HOMER1: variants seen among roughly 807,000 people sequenced by gnomAD.
HOMER1 encodes homer scaffold protein 1.
Under a neutral mutation model 48.9 loss-of-function variants are expected in HOMER1, and 3 were observed. The ratio of observed to expected loss-of-function variants is 0.06; its 90% CI spans 0.03 to 0.16. HOMER1 has a LOEUF of 0.16. HOMER1 is among the 10% of genes least tolerant of loss of function. HOMER1 has a pLI of 1.00. For missense variants in HOMER1, 247 were observed against 411.4 expected (o/e 0.60, Z 3.46); for synonymous variants, 134 against 146.4 (o/e 0.92, Z 0.61).
At chr5:79,500,927 T>TTTTGTGTG (rs1554063970) in intron 1 of HOMER1, among the ~76,000 whole-genome samples, 1 of 124,324 alleles carries the variant, frequency 8.0e-6, no homozygotes, top group Non-Finnish European at 1.6e-5. Flanking sequence ...ACCCAGCCAT[T>TTTTGTGTG]TGTGTGTGTG....
Position 79,379,252 on chromosome 5 carries a change from C to A in HOMER1, c.877-3055G>T, listed in dbSNP as rs1330740448. 3.8e-4 allele frequency among the ~76,000 whole-genome samples: 20 copies of A among 52,552 alleles called. 1 individual carries two copies. Among genetic ancestry groups the A allele is most frequent in the East Asian group, 3.3e-3 (8 of 2,448 alleles). The allele number at this position is 52,552 out of a possible 152,430, so 34.5% of individuals were successfully genotyped here. A position where few individuals can be genotyped will look rare whatever the true frequency, so the allele number is the denominator to read the frequency against. On this transcript the variant is annotated intron_variant, in intron 8 of 8. Coordinates refer to ENST00000334082, the MANE Select transcript of HOMER1 (RefSeq NM_004272.5). Reference sequence around the variant, plus strand: ...AATATATATTATATATTATATATATCTATTATATATATTATATATTATATA... The same window carrying A: ...AATATATATTATATATTATATATATATATTATATATATTATATATTATATA...
intron 1 of HOMER1, among the ~76,000 whole-genome samples, chr5:79,465,587 T>C (rs923609351): frequency 1.1e-4 from 8 of 76,000 alleles, no homozygotes; most frequent in Non-Finnish European, 1.8e-4. Flanking sequence ...ATTTCTTCTT[T>C]TTTTTTTTTT....
intron 5 of HOMER1, among the ~76,000 whole-genome samples, chr5:79,409,531 A>G (rs1749760706): frequency 6.6e-6 from 1 of 152,182 alleles, no homozygotes; most frequent in Non-Finnish European, 1.5e-5. Flanking sequence ...AAAACAGGTA[A>G]GGTGGACTAC....
chr5:79,402,662 T>C (rs115230541), intron 5 of HOMER1, among the ~76,000 whole-genome samples: 3,948 of 152,266 alleles, frequency 0.026, 68 homozygotes, highest in Non-Finnish European at 0.043. Flanking sequence ...CATTCTCTTT[T>C]AAGGAATAAA....
chr5:79,448,431 TA>T (rs947663450), intron 3 of HOMER1, among the ~76,000 whole-genome samples: 1 of 152,092 alleles, frequency 6.6e-6, no homozygotes, highest in African/African-American at 2.4e-5. Flanking sequence ...TTCAGCAAAA[TA>T]AAAAAGTGAC....
At chr5:79,415,400 A>C (rs1316085688) in intron 5 of HOMER1, among the ~76,000 whole-genome samples, 1 of 152,234 alleles carries the variant, frequency 6.6e-6, no homozygotes, top group South Asian at 2.1e-4. Context: ...TAGCACAAAA[A>C]AATGATATCG....
chr5:79,443,195 A>G (rs1433945829), intron 4 of HOMER1, among the ~76,000 whole-genome samples: 1 of 152,236 alleles, frequency 6.6e-6, no homozygotes, highest in Non-Finnish European at 1.5e-5. Flanking sequence ...TTTTGAATGC[A>G]AAACTAGAGT....
chr5:79,443,982 A>G (rs868319218), intron 4 of HOMER1, among the ~76,000 whole-genome samples: 1 of 152,236 alleles, frequency 6.6e-6, no homozygotes, highest in African/African-American at 2.4e-5. Context: ...TGTCTGACTC[A>G]AACTTTTAAC....
intron 1 of HOMER1, among the ~76,000 whole-genome samples, chr5:79,490,332 A>C (rs1752233004): frequency 6.6e-6 from 1 of 152,222 alleles, no homozygotes; most frequent in Non-Finnish European, 1.5e-5. Context: ...GTCTGAATAA[A>C]TTGACAATAC....
rs1426997318 is a variant in HOMER1 at position 79,379,160 on chromosome 5, ATATT to A, written c.877-2967_877-2964del. Among the ~76,000 whole-genome samples, 775 of 108,342 alleles carry A rather than the reference ATATT, an allele frequency of 7.2e-3. 8 individuals are homozygous for A. The highest frequency in any genetic ancestry group is 0.01 in the Non-Finnish European group (584 of 56,214). The allele number at this position is 108,342 out of a possible 152,430, so 71.1% of individuals were successfully genotyped here. A position where few individuals can be genotyped will look rare whatever the true frequency, so the allele number is the denominator to read the frequency against. The stretch of plus-strand genomic sequence containing the variant: ...ATATATAAAAATTATTTATATAAAT[ATATT>A]TATATATTATATATATTTTTATATA... On this transcript the variant is annotated intron_variant, in intron 8 of 8. Coordinates refer to ENST00000334082, the MANE Select transcript of HOMER1 (RefSeq NM_004272.5).
intron 5 of HOMER1, among the ~76,000 whole-genome samples, chr5:79,417,235 C>A (rs1266416985): frequency 6.6e-6 from 1 of 151,980 alleles, no homozygotes; most frequent in Non-Finnish European, 1.5e-5. Context: ...CTCCGCCTCC[C>A]GGGTTCACGC....
At chr5:79,491,426 G>A (rs57027572) in intron 1 of HOMER1, among the ~76,000 whole-genome samples, 9,995 of 115,666 alleles carry the variant, frequency 0.086, 469 homozygotes, top group East Asian at 0.26. Context: ...ATGACAGAGC[G>A]AGACCTTGTC....
intron 6 of HOMER1, among the ~76,000 whole-genome samples, chr5:79,398,494 C>G (rs899550868): frequency 5.9e-5 from 9 of 152,100 alleles, no homozygotes; most frequent in Non-Finnish European, 1.3e-4. Flanking sequence ...GTGATTCTCT[C>G]TCTTATATAA....
intron 1 of HOMER1, among the ~76,000 whole-genome samples, chr5:79,462,677 T>A (rs1017372445): frequency 6.6e-6 from 1 of 152,168 alleles, no homozygotes; most frequent in African/African-American, 2.4e-5. Context: ...AGGAGATACA[T>A]AAGTTTTGGT....
intron 1 of HOMER1, among the ~76,000 whole-genome samples, chr5:79,472,810 T>C (rs1340046226): frequency 6.6e-6 from 1 of 152,032 alleles, no homozygotes; most frequent in African/African-American, 2.4e-5. Flanking sequence ...AAAAAAAAAT[T>C]ACAGCCCTAG....
intron 6 of HOMER1, 87 bp downstream of exon 6, chr5:79,401,812 T>C (rs1054628859): frequency 6.5e-5 from 82 of 1,256,014 alleles, no homozygotes; most frequent in South Asian, 6.4e-4. Flanking sequence ...CTAGAAGATA[T>C]CCCTGTGCTG....
chr5:79,475,242 A>G (rs552243436), intron 1 of HOMER1, among the ~76,000 whole-genome samples: 52 of 152,270 alleles, frequency 3.4e-4, no homozygotes, highest in Non-Finnish European at 6.2e-4. Context: ...ATAACTGCTC[A>G]AGATGACACA....
At chr5:79,397,071 A>G (rs1245076925) in intron 7 of HOMER1, among the ~76,000 whole-genome samples, 168 bp from the exon 8 acceptor site, 3 of 152,190 alleles carry the variant, frequency 2.0e-5, no homozygotes, top group Non-Finnish European at 4.4e-5. Context: ...TATGTTGTCT[A>G]GAACAATAAT....
At chr5:79,410,174 ATCTG>A (rs1749778206) in intron 5 of HOMER1, among the ~76,000 whole-genome samples, 1 of 152,130 alleles carries the variant, frequency 6.6e-6, no homozygotes, top group African/African-American at 2.4e-5. Context: ...TCCTTTAATA[ATCTG>A]TCTTTCTAGA....
Sources: allele counts gnomAD v4.1 joint callset (sites outside exome capture counted in the v4.1 genomes callset), GRCh38; gene constraint gnomAD v4.1.1; transcripts MANE v1.5; gene names NCBI Gene and HGNC (gene_info 2026-07-23, HGNC 2026-07-21).